L3MBTL3: variants seen among roughly 807,000 people sequenced by gnomAD.
The protein encoded by L3MBTL3 is L3MBTL histone methyl-lysine binding protein 3.
In L3MBTL3, 27 loss-of-function variants were observed where a neutral mutation model predicts 102.3. The ratio of observed to expected loss-of-function variants is 0.26; its 90% confidence interval spans 0.19 to 0.36. The LOEUF is 0.36. Among genes scored for constraint, L3MBTL3 ranks in the 10% least tolerant of loss-of-function variants. The probability of loss-of-function intolerance (pLI) is 1.00; values close to 1 mark genes in which losing one functional copy is unlikely to be tolerated. For synonymous variants in L3MBTL3, 340 were observed against 320.9 expected (o/e 1.06, Z -0.64); for missense variants, 798 against 955.3 (o/e 0.84, Z 2.17).
At chr6:130,138,987 A>G (rs1169841393) in intron 22 of L3MBTL3, among the ~76,000 whole-genome samples, 2 of 152,038 alleles carry the variant, frequency 1.3e-5, no homozygotes, top group Non-Finnish European at 2.9e-5. Context: ...TCTCATAGTT[A>G]CCCTACCTGC....
At chr6:130,026,504 C>T (rs1412276490) in intron 2 of L3MBTL3, among the ~76,000 whole-genome samples, 1 of 151,924 alleles carries the variant, frequency 6.6e-6, no homozygotes, top group Admixed American at 6.6e-5. Context: ...TGCTCTTTTA[C>T]ATTGGTTTAC....
In L3MBTL3 at chr6:130,078,626, C is replaced by T; in HGVS notation, c.1313C>T (p.Thr438Ile). ...WCKEHRRTLI[T>I]PPGYPNVKHF... The stretch of plus-strand genomic sequence containing the variant: ...AAGGAACATAGAAGAACCCTTATTA[C>T]TCCACCAGGTGTGTGTTTTTTTAAT... Residue 438 changes from threonine to isoleucine, a missense_variant, in exon 14 of 23, where the codon ACT (threonine) becomes ATT (isoleucine). Physicochemically the swap from Thr to Ile is moderately conservative, Grantham distance 89 (BLOSUM62 -1). Coordinates refer to ENST00000361794, the MANE Select transcript of L3MBTL3 (RefSeq NM_032438.4). 6.2e-7 allele frequency: 1 copy of T among 1,601,080 alleles called. No individual in the cohort carries two copies. Among genetic ancestry groups the T allele is most frequent in the South Asian group, 1.1e-5 (1 of 90,534 alleles).
chr6:130,066,551 T>G (rs1782273589), intron 11 of L3MBTL3, 63 bp downstream of exon 11: 1 of 1,395,646 alleles, frequency 7.2e-7, no homozygotes, highest in African/African-American at 1.4e-5. Flanking sequence ...ACATGCTACA[T>G]TAGAATTGTT....
In L3MBTL3 at chr6:130,042,589, A is replaced by G. The variant is rs368146116; in HGVS notation, c.-15-96A>G. ...GATATGGGATATTGTGATCAAGAAA[A>G]TTATGTAATTAAGGGAAACTGAACT... On this transcript the variant is annotated intron_variant, in intron 2 of 22. Transcript: ENST00000361794. 6.1e-5 allele frequency: 41 copies of G among 673,824 alleles called. 1 individual carries two copies. The highest frequency in any genetic ancestry group is 1.9e-4 in the East Asian group (7 of 36,810). The allele number at this position is 673,824 out of a possible 1,614,324, so 41.7% of individuals were successfully genotyped here.
intron 19 of L3MBTL3, among the ~76,000 whole-genome samples, chr6:130,116,062 A>C (rs949113741): frequency 6.6e-6 from 1 of 152,202 alleles, no homozygotes; most frequent in Non-Finnish European, 1.5e-5. Context: ...TATAACCCAG[A>C]CAGTCTGACT....
intron 18 of L3MBTL3, among the ~76,000 whole-genome samples, chr6:130,094,838 A>G (rs1431788653): frequency 6.6e-6 from 1 of 152,194 alleles, no homozygotes; most frequent in East Asian, 1.9e-4. Context: ...ATGCATTTTA[A>G]AATATTTTTC....
At chr6:130,130,813 G>A in intron 20 of L3MBTL3, among the ~76,000 whole-genome samples, 1 of 152,174 alleles carries the variant, frequency 6.6e-6, no homozygotes, top group Non-Finnish European at 1.5e-5. Flanking sequence ...GCTCAATGAG[G>A]TAGTACCAGA....
At chr6:130,077,527 G>A (rs755275353) in intron 13 of L3MBTL3, among the ~76,000 whole-genome samples, 17 of 152,180 alleles carry the variant, frequency 1.1e-4, no homozygotes, top group Admixed American at 3.9e-4. Flanking sequence ...TAAGTTCTGA[G>A]AACCATCAGC....
At chr6:130,084,732 C>CA (rs1783572409) in intron 15 of L3MBTL3, among the ~76,000 whole-genome samples, 1 of 152,208 alleles carries the variant, frequency 6.6e-6, no homozygotes, top group African/African-American at 2.4e-5. Context: ...TGTCTACTGT[C>CA]ACAACAGAGA....
At chr6:130,070,913 T>C in intron 12 of L3MBTL3, 63 bp from the exon 13 acceptor site, 1 of 1,310,504 alleles carries the variant, frequency 7.6e-7, no homozygotes, top group South Asian at 1.4e-5. Context: ...GTGCAGAGAG[T>C]GTGCAGTTCT....
chr6:130,095,147 G>A (rs188836799), intron 18 of L3MBTL3, among the ~76,000 whole-genome samples: 30 of 152,084 alleles, frequency 2.0e-4, no homozygotes, highest in Non-Finnish European at 1.6e-4. Flanking sequence ...ATAATTTGTC[G>A]GTATAATGTT....
chr6:130,034,896 A>G lies in L3MBTL3; in HGVS notation c.-15-7789A>G, dbSNP rs952466897. Among the ~76,000 whole-genome samples, 5 of 152,228 alleles carry G rather than the reference A, an allele frequency of 3.3e-5. No homozygotes were observed. The East Asian group carries it at 9.6e-4, about 29-fold the overall frequency. On this transcript the variant is annotated intron_variant, in intron 2 of 22. Transcript: ENST00000361794. The stretch of plus-strand genomic sequence containing the variant: ...CCATAAATACGTAGTCTGCGAATGC[A>G]TACCTGAGTTGTGGAGGAGTGAACC...
intron 19 of L3MBTL3, among the ~76,000 whole-genome samples, chr6:130,120,402 A>T (rs1009111653): frequency 1.3e-5 from 2 of 152,178 alleles, no homozygotes; most frequent in African/African-American, 4.8e-5. Flanking sequence ...ACTTGACCTG[A>T]TTAAGCCAGG....
At chr6:130,025,344 C>T (rs1779277043) in intron 2 of L3MBTL3, among the ~76,000 whole-genome samples, 1 of 152,146 alleles carries the variant, frequency 6.6e-6, no homozygotes, top group Non-Finnish European at 1.5e-5. Context: ...CTCAGATTAT[C>T]TCTTTACTGT....
chr6:130,105,945 T>C (rs1229705322), intron 19 of L3MBTL3, among the ~76,000 whole-genome samples: 1 of 152,176 alleles, frequency 6.6e-6, no homozygotes, highest in Non-Finnish European at 1.5e-5. Context: ...TAAATCCATA[T>C]AAGAGTAGAG....
At chr6:130,066,686 C>G (rs1782282684) in intron 11 of L3MBTL3, among the ~76,000 whole-genome samples, 198 bp downstream of exon 11, 1 of 152,126 alleles carries the variant, frequency 6.6e-6, no homozygotes, top group Non-Finnish European at 1.5e-5. Flanking sequence ...AAAGTATGTT[C>G]ATATGCTTAT....
chr6:130,099,198 C>G (rs1353871372), intron 18 of L3MBTL3, among the ~76,000 whole-genome samples: 9 of 152,000 alleles, frequency 5.9e-5, no homozygotes, highest in Admixed American at 5.9e-4. Flanking sequence ...GTAGGATGCA[C>G]CTCAATAAAG....
intron 3 of L3MBTL3, among the ~76,000 whole-genome samples, chr6:130,043,487 C>T (rs777877849): frequency 5.3e-5 from 8 of 152,140 alleles, no homozygotes; most frequent in Non-Finnish European, 1.0e-4. Flanking sequence ...GCGCAAGCAC[C>T]GATCTGGGAA....
At chr6:130,051,109 A>G (rs1781065022) in intron 5 of L3MBTL3, 140 bp from the exon 6 acceptor site, 1 of 632,112 alleles carries the variant, frequency 1.6e-6, no homozygotes, top group Non-Finnish European at 2.7e-6. Flanking sequence ...CGAAAACACT[A>G]TCATTTGATC....
Sources: allele counts gnomAD v4.1 joint callset (sites outside exome capture counted in the v4.1 genomes callset), GRCh38; gene constraint gnomAD v4.1.1; transcripts MANE v1.5; gene names NCBI Gene and HGNC (gene_info 2026-07-23, HGNC 2026-07-21).